REV1: variants seen among roughly 807,000 people sequenced by gnomAD.
REV1 encodes REV1 DNA directed polymerase, also known as translesion synthesis protein REV1.
Under a neutral mutation model 137.4 loss-of-function variants are expected in REV1, and 42 were observed. The observed-to-expected ratio is 0.31, with a 90% CI of 0.24 to 0.40. REV1 has a LOEUF of 0.40. Among genes scored for constraint, REV1 ranks in the 10% least tolerant of loss-of-function variants. REV1 has a pLI of 1.00. For synonymous variants in REV1, 524 were observed against 519.2 expected (o/e 1.01, Z -0.12); for missense variants, 1,282 against 1,490.1 (o/e 0.86, Z 2.30).
At chr2:99,453,657 G>C (rs1323573896) in intron 3 of REV1, among the ~76,000 whole-genome samples, 1 of 151,896 alleles carries the variant, frequency 6.6e-6, no homozygotes, top group African/African-American at 2.4e-5. Flanking sequence ...CACTGTGGGA[G>C]GCCAAGGCAG....
chr2:99,488,716 T>G (rs1017875211), intron 1 of REV1, among the ~76,000 whole-genome samples: 1 of 152,200 alleles, frequency 6.6e-6, no homozygotes, highest in East Asian at 1.9e-4. Context: ...TCCCACAGGC[T>G]GATTTGCTAC....
chr2:99,432,264 G>C (rs1680217501), intron 8 of REV1, among the ~76,000 whole-genome samples: 1 of 152,094 alleles, frequency 6.6e-6, no homozygotes, highest in Non-Finnish European at 1.5e-5. Context: ...GTTTCAAAAA[G>C]GACTAAGGAT....
rs28382906 is a variant in REV1, at chr2:99,430,188, G to GT, written c.1439-241dup. Among the ~76,000 whole-genome samples, 74 of 146,890 alleles carry GT rather than the reference G, an allele frequency of 5.0e-4. 1 individual carries two copies. The highest frequency in any genetic ancestry group is 4.5e-3 in the East Asian group (23 of 5,106). On this transcript the variant is annotated intron_variant, in intron 8 of 22. Coordinates refer to ENST00000258428, the MANE Select transcript of REV1 (RefSeq NM_016316.4). ...AAATTCAAAGTGTCCTGGGAGGTTT[G>GT]TTTTTTTTTTAAATACACCAGAAGA... is the stretch of plus-strand genomic sequence containing the variant.
In REV1 at chr2:99,438,698, G is replaced by C; in HGVS notation, c.1116C>G (p.Val372=). The change falls in exon 6 of 23, where the codon GTC becomes GTG. Residue 372 remains valine (V), a synonymous_variant. Coordinates refer to ENST00000258428, the MANE Select transcript of REV1 (RefSeq NM_016316.4). ...SMWKCELTEF[V]NTLQRQSNGI... Reference sequence around the variant, plus strand: ...CATTACTTTGTCTTTGTAGGGTATTGACAAACTCAGTCAATTCACACTTCC... The same window carrying C: ...CATTACTTTGTCTTTGTAGGGTATTCACAAACTCAGTCAATTCACACTTCC... 6.2e-7 allele frequency: 1 copy of C among 1,614,056 alleles called. No homozygotes were observed. Among genetic ancestry groups the C allele is most frequent in the Non-Finnish European group, 8.5e-7 (1 of 1,179,966 alleles).
At chr2:99,416,219 A>G (rs902515508) in intron 12 of REV1, among the ~76,000 whole-genome samples, 1 of 152,250 alleles carries the variant, frequency 6.6e-6, no homozygotes, top group Non-Finnish European at 1.5e-5. Context: ...TAGGTACTGT[A>G]TATTTATCAC....
intron 12 of REV1, 88 bp from the exon 13 acceptor site, chr2:99,413,039 C>T: frequency 1.1e-6 from 1 of 920,430 alleles, no homozygotes; most frequent in Non-Finnish European, 1.7e-6. Context: ...ATGCACAAAA[C>T]AACTAGTTTA....
Position 99,445,591 on chromosome 2 carries a change from T to C in REV1, c.351-3122A>G, listed in dbSNP as rs147038219. On this transcript the variant is annotated intron_variant, in intron 4 of 22. Coordinates refer to ENST00000258428, the MANE Select transcript of REV1 (RefSeq NM_016316.4). Reference sequence around the variant, plus strand: ...TTTGGTGGGCCAGTGGGGTACGTCATAGCAGCTTCTCATCTATTCCACATT... The same window carrying C: ...TTTGGTGGGCCAGTGGGGTACGTCACAGCAGCTTCTCATCTATTCCACATT... Among the ~76,000 whole-genome samples the C allele has an allele frequency of 4.4e-3, 664 of 152,382 alleles. 6 individuals carry two copies. The highest frequency in any genetic ancestry group is 0.015 in the African/African-American group (631 of 41,592).
intron 1 of REV1, among the ~76,000 whole-genome samples, chr2:99,475,146 T>G (rs1685830418): frequency 6.6e-6 from 1 of 152,222 alleles, no homozygotes; most frequent in Admixed American, 6.5e-5. Flanking sequence ...GCCAGCAGTT[T>G]TGCCATGAGA....
At chr2:99,446,704 AG>A (rs1204562230) in intron 4 of REV1, among the ~76,000 whole-genome samples, 3 of 152,134 alleles carry the variant, frequency 2.0e-5, no homozygotes, top group Non-Finnish European at 4.4e-5. Flanking sequence ...CATATTGGCC[AG>A]GCTGGTCTTG....
At chr2:99,469,786 A>G (rs1685197373) in intron 1 of REV1, among the ~76,000 whole-genome samples, 1 of 152,102 alleles carries the variant, frequency 6.6e-6, no homozygotes, top group Non-Finnish European at 1.5e-5. Context: ...TCTTTTTACT[A>G]TAGTTATTGG....
intron 3 of REV1, among the ~76,000 whole-genome samples, chr2:99,460,067 C>T (rs1383442516): frequency 2.0e-5 from 3 of 152,110 alleles, no homozygotes; most frequent in Non-Finnish European, 4.4e-5. Flanking sequence ...AGTCTCTTTC[C>T]TCCAAATTCC....
intron 1 of REV1, among the ~76,000 whole-genome samples, chr2:99,479,225 G>A (rs1247654313): frequency 2.6e-5 from 4 of 151,410 alleles, no homozygotes; most frequent in Non-Finnish European, 5.9e-5. Flanking sequence ...CTACTTGGGG[G>A]CTGAGGCAGA....
intron 8 of REV1, chr2:99,432,057 A>T: frequency 3.4e-6 from 1 of 294,516 alleles, no homozygotes; most frequent in Non-Finnish European, 5.0e-6. Flanking sequence ...TATCCTGGAA[A>T]TCCAGGAAGG....
chr2:99,451,352 C>A, intron 3 of REV1: 2 of 1,273,532 alleles, frequency 1.6e-6, no homozygotes. Context: ...CACCCGTCTA[C>A]TAGCTGCTCT....
intron 9 of REV1, among the ~76,000 whole-genome samples, chr2:99,427,042 G>A (rs939140716): frequency 1.3e-5 from 2 of 152,032 alleles, no homozygotes; most frequent in Non-Finnish European, 2.9e-5. Flanking sequence ...AATTAGCCAG[G>A]CGTGGTGGCG....
At chr2:99,453,701 T>C (rs1683182021) in intron 3 of REV1, among the ~76,000 whole-genome samples, 2 of 151,876 alleles carry the variant, frequency 1.3e-5, no homozygotes, top group Admixed American at 6.6e-5. Context: ...GAGACCAGCC[T>C]GGCCAACATG....
At chr2:99,423,829 A>T (rs1678995691) in intron 10 of REV1, among the ~76,000 whole-genome samples, 1 of 152,238 alleles carries the variant, frequency 6.6e-6, no homozygotes. Flanking sequence ...AACCAGGTTA[A>T]AAAATTCCAT....
intron 3 of REV1, among the ~76,000 whole-genome samples, chr2:99,461,342 T>C (rs928220538): frequency 2.6e-5 from 4 of 152,194 alleles, no homozygotes; most frequent in African/African-American, 9.7e-5. Flanking sequence ...ACTAAGGATA[T>C]AGTGATGAAA....
rs371360329 is a variant in REV1 at position 99,457,687 on chromosome 2, GA to G, written c.181+4808del. 1.7e-3 allele frequency among the ~76,000 whole-genome samples: 193 copies of G among 115,324 alleles called. 1 individual carries two copies. Among genetic ancestry groups the G allele is most frequent in the East Asian group, 4.4e-3 (17 of 3,894 alleles). 75.7% of individuals were successfully genotyped at this position (115,324 alleles called of 152,430 possible). ...GTGACAAAGTGAGACCCTGTCTCAA[GA>G]AAAAAAAAAAAAAGAGAGAGAGAGG... On this transcript the variant is annotated intron_variant, in intron 3 of 22. Transcript: ENST00000258428.
Sources: allele counts gnomAD v4.1 joint callset (sites outside exome capture counted in the v4.1 genomes callset), GRCh38; gene constraint gnomAD v4.1.1; transcripts MANE v1.5; gene names NCBI Gene and HGNC (gene_info 2026-07-23, HGNC 2026-07-21).